TET3: variants seen among roughly 807,000 people sequenced by gnomAD.
TET3 encodes the protein methylcytosine dioxygenase TET3.
Under a neutral mutation model 141.4 loss-of-function variants are expected in TET3, and 19 were observed. The observed-to-expected ratio is 0.13, with a 90% CI of 0.09 to 0.20. TET3 has a LOEUF of 0.20. Among genes scored for constraint, TET3 ranks in the 10% least tolerant of loss-of-function variants. The pLI is 1.00. For synonymous variants in TET3, 1,043 were observed against 980.9 expected (o/e 1.06, Z -1.18); for missense variants, 1,874 against 2,356.9 (o/e 0.80, Z 4.24).
At position 74,047,850 on chromosome 2, in the gene TET3, C is replaced by G; in HGVS notation, c.1933C>G (p.Pro645Ala). The change falls in exon 4 of 12, where the codon CCG (proline) becomes GCG (alanine). Residue 645 changes from proline to alanine, a missense_variant. By Grantham distance (27) the Pro-to-Ala change is conservative. Transcript: ENST00000409262. ...PASQEVQAHP[P>A]APLPASQGSA... The stretch of plus-strand genomic sequence containing the variant: ...CTCCCAGGAAGTGCAGGCTCATCCA[C>G]CGGCCCCTCTGCCTGCCTCACAGGG... 1 of 1,612,758 alleles carries G rather than the reference C, an allele frequency of 6.2e-7. No homozygotes were observed. Among genetic ancestry groups the G allele is most frequent in the Non-Finnish European group, 8.5e-7 (1 of 1,179,300 alleles).
the TET3 span, among the ~76,000 whole-genome samples, chr2:74,123,871 G>A: frequency 5.4e-5 from 8 of 147,812 alleles, no homozygotes; most frequent in Non-Finnish European, 7.4e-5. Flanking sequence ...CTGCCCCGCC[G>A]CCCCGTCTGG....
At chr2:74,094,206 C>T (rs879697037) in intron 10 of TET3, among the ~76,000 whole-genome samples, 1 of 152,100 alleles carries the variant, frequency 6.6e-6, no homozygotes, top group Non-Finnish European at 1.5e-5. Flanking sequence ...GAGGAGGGGA[C>T]GTTTAAGTTG....
chr2:74,006,179 A>G (rs892301407), intron 3 of TET3, among the ~76,000 whole-genome samples: 2 of 152,054 alleles, frequency 1.3e-5, no homozygotes, highest in African/African-American at 4.8e-5. Flanking sequence ...TGCTCTTCCT[A>G]CTTCCAGCCA....
intron 2 of TET3, chr2:73,993,113 C>G (rs1451934062): frequency 2.6e-5 from 4 of 152,164 alleles, no homozygotes; most frequent in Non-Finnish European, 5.9e-5. Context: ...GGCCCCACTC[C>G]CAAGGGATTC....
chr2:74,088,092 A>C (rs1690260406), intron 7 of TET3, 54 bp downstream of exon 7: 3 of 1,519,418 alleles, frequency 2.0e-6, no homozygotes, highest in Non-Finnish European at 2.7e-6. Flanking sequence ...CCTGGGCAGC[A>C]AATACAGGAG....
In TET3 at chr2:73,988,454, T is replaced by C. The variant is rs1015567216; in HGVS notation, c.303+1748T>C. Among the ~76,000 whole-genome samples the C allele has an allele frequency of 3.9e-4, 60 of 152,182 alleles. 1 individual carries two copies. The highest frequency in any genetic ancestry group is 1.3e-4 in the Non-Finnish European group (9 of 68,024). On this transcript the variant is annotated intron_variant, in intron 2 of 11. Transcript: ENST00000409262. Reference sequence around the variant, plus strand: ...TTGTGAACTAAGTTGAAGTGCTGCTTTTGGCAACAACAGAACATACCTGAG... The same window carrying C: ...TTGTGAACTAAGTTGAAGTGCTGCTCTTGGCAACAACAGAACATACCTGAG...
At chr2:74,120,189 C>G in the TET3 span, among the ~76,000 whole-genome samples, 17 of 152,244 alleles carry the variant, frequency 1.1e-4, no homozygotes, top group Admixed American at 2.0e-4. Flanking sequence ...GAACTCCATT[C>G]TAGGCGCCCG....
At chr2:74,082,596 G>T (rs922542989) in intron 6 of TET3, among the ~76,000 whole-genome samples, 2 of 151,522 alleles carry the variant, frequency 1.3e-5, no homozygotes, top group African/African-American at 2.5e-5. Context: ...GCAAATGGGT[G>T]GTCAATCACA....
intron 10 of TET3, among the ~76,000 whole-genome samples, chr2:74,094,434 G>C (rs1690688411): frequency 6.6e-6 from 1 of 152,188 alleles, no homozygotes; most frequent in Non-Finnish European, 1.5e-5. Flanking sequence ...GCCAGGGGAG[G>C]GTTGCGGGGT....
At chr2:74,131,624 C>A in the TET3 span, among the ~76,000 whole-genome samples, 1 of 152,168 alleles carries the variant, frequency 6.6e-6, no homozygotes, top group African/African-American at 2.4e-5. Context: ...CAGGCAGTTT[C>A]CCCTACACTG....
At chr2:74,034,011 G>A (rs1246338761) in intron 3 of TET3, among the ~76,000 whole-genome samples, 2 of 151,980 alleles carry the variant, frequency 1.3e-5, no homozygotes, top group South Asian at 2.1e-4. Flanking sequence ...CAGGAGAATC[G>A]CTTGAACCCA....
Position 73,989,008 on chromosome 2 carries a change from T to C in TET3, c.303+2302T>C, listed in dbSNP as rs574205024. Among the ~76,000 whole-genome samples, 37 of 149,976 alleles carry C rather than the reference T, an allele frequency of 2.5e-4. 2 individuals carry two copies. The highest frequency in any genetic ancestry group is 8.6e-4 in the African/African-American group (35 of 40,542). ...AAAAAAAGTTTTTTTTGTTTTTTTTTTTTTTTGGTCCATGAAGGCTGAATG... is the reference window on the plus strand; with the variant it reads ...AAAAAAAGTTTTTTTTGTTTTTTTTCTTTTTTGGTCCATGAAGGCTGAATG... On this transcript the variant is annotated intron_variant, in intron 2 of 11. Transcript: ENST00000409262.
chr2:74,102,447 G>T lies in TET3; in HGVS notation c.*271G>T. 3 of 307,104 alleles carry T rather than the reference G, an allele frequency of 9.8e-6. No individual in the cohort carries two copies. The highest frequency in any genetic ancestry group is 1.1e-5 in the Non-Finnish European group (2 of 177,048). The allele number at this position is 307,104 out of a possible 1,614,324, so 19.0% of individuals were successfully genotyped here. On this transcript the variant is annotated 3_prime_UTR_variant, in exon 12 of 12. Coordinates refer to ENST00000409262, the MANE Select transcript of TET3 (RefSeq NM_001287491.2). ...ATCTTAATATTTATATCTCCAAGTT[G>T]TCCCCCCCCCTTGTCTGGGGGGTTT...
At chr2:74,115,441 C>T in the TET3 span, among the ~76,000 whole-genome samples, 3 of 152,006 alleles carry the variant, frequency 2.0e-5, no homozygotes, top group South Asian at 2.1e-4. Flanking sequence ...GGAGACGACA[C>T]GGAATGAAAA....
In TET3 at chr2:74,061,179, C is replaced by T. The variant is rs867822040; in HGVS notation, c.2495-12370C>T. Among the ~76,000 whole-genome samples the T allele has an allele frequency of 3.4e-3, 429 of 126,376 alleles. 2 individuals are homozygous for T. The highest frequency in any genetic ancestry group is 0.012 in the South Asian group (44 of 3,670). The allele number at this position is 126,376 out of a possible 152,430, so 82.9% of individuals were successfully genotyped here. On this transcript the variant is annotated intron_variant, in intron 4 of 11. Coordinates refer to ENST00000409262, the MANE Select transcript of TET3 (RefSeq NM_001287491.2). ...CCACTTCCCTCCCGGACGGGGCGGC[C>T]GGCCGGGCGGGGGGCTGACCCCCCC...
chr2:74,124,295 C>T, the TET3 span, among the ~76,000 whole-genome samples: 9 of 149,958 alleles, frequency 6.0e-5, no homozygotes, highest in African/African-American at 2.2e-4. Context: ...CCAGCCACCC[C>T]GTCTGGGAGG....
At chr2:74,066,283 T>A (rs1688894089) in intron 4 of TET3, among the ~76,000 whole-genome samples, 1 of 152,224 alleles carries the variant, frequency 6.6e-6, no homozygotes, top group Non-Finnish European at 1.5e-5. Context: ...AATATCTTAG[T>A]TCCTAGCTCA....
Position 74,048,215 on chromosome 2 carries a change from T to C in TET3, c.2298T>C (p.Thr766=). The change falls in exon 4 of 12, where the codon ACT becomes ACC. Residue 766 remains threonine, a synonymous_variant. Transcript: ENST00000409262. The stretch of plus-strand genomic sequence containing the variant: ...AGATTGAGTCTTCGGGGGCTGTGAC[T>C]GTGCTCTCAACCACCTGCTTCCATT... The part of the protein sequence containing the change: ...QIKIESSGAV[T]VLSTTCFHSE... The C allele has an allele frequency of 6.2e-7, 1 of 1,613,324 alleles. No homozygotes were observed. Among genetic ancestry groups the C allele is most frequent in the Non-Finnish European group, 8.5e-7 (1 of 1,179,642 alleles).
At chr2:74,000,455 T>C (rs1254654958) in intron 2 of TET3, among the ~76,000 whole-genome samples, 1 of 152,192 alleles carries the variant, frequency 6.6e-6, no homozygotes, top group South Asian at 2.1e-4. Context: ...ATGATGCTCA[T>C]GGGAGCTTGG....
Sources: gnomAD v4.1 joint callset for allele counts (sites outside exome capture counted in the v4.1 genomes callset) on GRCh38, gnomAD v4.1.1 for gene constraint, MANE v1.5 for transcripts, NCBI Gene and HGNC (gene_info 2026-07-23, HGNC 2026-07-21) for gene names.